FAT3: variants seen among roughly 807,000 people sequenced by gnomAD.
FAT3 encodes the protein FAT atypical cadherin 3.
Under a neutral mutation model 310.2 loss-of-function variants are expected in FAT3, and 95 were observed. That is an observed-to-expected ratio of 0.31 (90% CI 0.26 to 0.36). The LOEUF (loss-of-function observed/expected upper bound fraction) is 0.36, where lower values mean the gene tolerates loss of function less well. Ranked by LOEUF, FAT3 falls within the 10% of genes least tolerant of loss-of-function variation. The pLI, the probability that FAT3 is intolerant of heterozygous loss-of-function variation, is 1.00. For synonymous variants in FAT3, 2,314 were observed against 2,192.9 expected (o/e 1.06, Z -1.54); for missense variants, 5,408 against 5,715.6 (o/e 0.95, Z 1.74).
intron 2 of FAT3, among the ~76,000 whole-genome samples, chr11:92,442,109 A>ATTTTTTTTTTTT (rs1258493776): frequency 1.8e-4 from 9 of 50,082 alleles, no homozygotes; most frequent in African/African-American, 4.5e-4. Context: ...ATATATATAT[A>ATTTTTTTTTTTT]TATTTTTTTT....
chr11:92,381,862 T>C (rs1949501158), intron 2 of FAT3, among the ~76,000 whole-genome samples: 1 of 152,138 alleles, frequency 6.6e-6, no homozygotes, highest in Non-Finnish European at 1.5e-5. Context: ...AGACGATGAG[T>C]GTACCAGGTG....
In FAT3 at chr11:92,799,541, CA is replaced by C; in HGVS notation, c.6529del (p.Thr2177LeufsTer25). The C allele has an allele frequency of 6.2e-7, 1 of 1,613,774 alleles. No homozygotes were observed. The highest frequency in any genetic ancestry group is 8.5e-7 in the Non-Finnish European group (1 of 1,179,842). ...TGTCTACATCTGTGGAGCTTCCCATCACTATTGTCAACAAAGCAATGCCTGT... is the reference window on the plus strand; with the variant it reads ...TGTCTACATCTGTGGAGCTTCCCATCCTATTGTCAACAAAGCAATGCCTGT... ...SLSTSVELPI[T>X]IVNKAMPVFD... On this transcript the variant is annotated frameshift_variant, in exon 10 of 28. Transcript: ENST00000525166. LOFTEE classifies it high-confidence loss of function.
chr11:92,594,095 G>A (rs1939581200), intron 3 of FAT3, among the ~76,000 whole-genome samples: 1 of 152,114 alleles, frequency 6.6e-6, no homozygotes, highest in African/African-American at 2.4e-5. Flanking sequence ...AGGGGCTGCA[G>A]GTGAGAGTGC....
chr11:92,349,015 C>T (rs2134616437), intron 1 of FAT3, among the ~76,000 whole-genome samples: 1 of 152,144 alleles, frequency 6.6e-6, no homozygotes, highest in South Asian at 2.1e-4. Context: ...AGTAGAAGTT[C>T]AAAGTGTGAA....
intron 3 of FAT3, among the ~76,000 whole-genome samples, chr11:92,645,061 A>G (rs1468227681): frequency 6.6e-6 from 1 of 152,154 alleles, no homozygotes; most frequent in Non-Finnish European, 1.5e-5. Flanking sequence ...ATCTTCCTGC[A>G]TTTTATATAC....
chr11:92,763,322 A>T (rs547793577), intron 5 of FAT3, among the ~76,000 whole-genome samples: 4 of 152,280 alleles, frequency 2.6e-5, no homozygotes, highest in South Asian at 2.1e-4. Context: ...TGTGTCCAGA[A>T]CAGTGGGCAG....
chr11:92,238,550 G>C (rs1864532660), intron 1 of FAT3, among the ~76,000 whole-genome samples: 2 of 152,004 alleles, frequency 1.3e-5, no homozygotes, highest in Non-Finnish European at 2.9e-5. Flanking sequence ...AGGGTGGCCT[G>C]GGGCTGTTAC....
intron 3 of FAT3, among the ~76,000 whole-genome samples, chr11:92,665,476 A>G (rs140697424): frequency 3.1e-4 from 47 of 152,356 alleles, no homozygotes; most frequent in African/African-American, 1.1e-3. Context: ...AGGAAAGACT[A>G]GTAATAGCAA....
intron 2 of FAT3, among the ~76,000 whole-genome samples, chr11:92,390,466 G>A (rs1273268752): frequency 1.3e-5 from 2 of 152,126 alleles, no homozygotes; most frequent in Non-Finnish European, 2.9e-5. Context: ...AGTCACTGGG[G>A]TCAAGGAGCC....
chr11:92,386,533 T>C (rs936231272), intron 2 of FAT3, among the ~76,000 whole-genome samples: 1 of 152,246 alleles, frequency 6.6e-6, no homozygotes, highest in African/African-American at 2.4e-5. Context: ...CTTCACCCAG[T>C]GCGTGAGCAA....
intron 3 of FAT3, among the ~76,000 whole-genome samples, chr11:92,543,712 A>G (rs1954525065): frequency 6.6e-6 from 1 of 152,222 alleles, no homozygotes; most frequent in South Asian, 2.1e-4. Context: ...GAAGTAAGCT[A>G]AATTCAACAC....
At chr11:92,238,272 ATGTGCTTGTTT>A (rs1352277537) in intron 1 of FAT3, among the ~76,000 whole-genome samples, 1 of 152,142 alleles carries the variant, frequency 6.6e-6, no homozygotes, top group Non-Finnish European at 1.5e-5. Flanking sequence ...CTGTTCCATA[ATGTGCTTGTTT>A]AAATGTGAAA....
At chr11:92,359,403 G>A (rs1948819840) in intron 2 of FAT3, among the ~76,000 whole-genome samples, 1 of 152,112 alleles carries the variant, frequency 6.6e-6, no homozygotes, top group Admixed American at 6.6e-5. Flanking sequence ...TTCAGTAATT[G>A]TAGTGCTTAA....
At chr11:92,267,124 A>G (rs1945984238) in intron 1 of FAT3, among the ~76,000 whole-genome samples, 1 of 152,030 alleles carries the variant, frequency 6.6e-6, no homozygotes, top group African/African-American at 2.4e-5. Context: ...CAACTCGCTT[A>G]TTGAAAATGC....
chr11:92,598,606 C>A (rs1407426062), intron 3 of FAT3, among the ~76,000 whole-genome samples: 1 of 151,922 alleles, frequency 6.6e-6, no homozygotes. Context: ...ATGTGAATAC[C>A]AAGGCTCAGA....
At chr11:92,401,948 A>T (rs1446890644) in intron 2 of FAT3, among the ~76,000 whole-genome samples, 1 of 152,242 alleles carries the variant, frequency 6.6e-6, no homozygotes, top group East Asian at 1.9e-4. Context: ...AAAATTTACA[A>T]GGCATGCCAA....
intron 3 of FAT3, among the ~76,000 whole-genome samples, chr11:92,654,611 C>A (rs1942510439): frequency 1.3e-5 from 2 of 152,132 alleles, no homozygotes. Flanking sequence ...TTTTCTTACT[C>A]TTCACTTCCA....
Position 92,883,017 on chromosome 11 carries a change from C to A in FAT3, c.12561C>A (p.Asn4187Lys). The change falls in exon 24 of 28, where the codon AAC becomes AAA. Residue 4187 changes from asparagine (N) to lysine (K), a missense_variant. Physicochemically the swap from Asn to Lys is moderately conservative, Grantham distance 94. Coordinates refer to ENST00000525166, the MANE Select transcript of FAT3 (RefSeq NM_001367949.2). The surrounding 1 kb of genome is among the most constrained non-coding windows in gnomAD (Gnocchi z 4.2). ...TCTTCCGCAAGAACTACTCCCGCAACAACATCACGCTAGTGCAGGACCCGG... is the reference window on the plus strand; with the variant it reads ...TCTTCCGCAAGAACTACTCCCGCAAAAACATCACGCTAGTGCAGGACCCGG... ...KKVFRKNYSR[N>K]NITLVQDPAT... The A allele has an allele frequency of 6.2e-7, 1 of 1,613,944 alleles. No individual in the cohort carries two copies. The highest frequency in any genetic ancestry group is 1.1e-5 in the South Asian group (1 of 91,076).
rs369652899 is a variant in FAT3 at position 92,337,103 on chromosome 11, A to C, written c.-17-14993A>C. ...CTGACTCTAGAAACACAAACCTTTA[A>C]GTTAGCTTAGATAACATAGCAATGA... On this transcript the variant is annotated intron_variant, in intron 1 of 27. Coordinates refer to ENST00000525166, the MANE Select transcript of FAT3 (RefSeq NM_001367949.2). Among the ~76,000 whole-genome samples, 15 of 152,160 alleles carry C rather than the reference A, an allele frequency of 9.9e-5. 1 individual carries two copies. The East Asian group carries it at 1.2e-3, about 12-fold the overall frequency.
Sources: gnomAD v4.1 joint callset for allele counts (sites outside exome capture counted in the v4.1 genomes callset) on GRCh38, gnomAD v4.1.1 for gene constraint, Gnocchi (gnomAD v3.1) non-coding constraint, MANE v1.5 for transcripts, NCBI Gene and HGNC (gene_info 2026-07-23, HGNC 2026-07-21) for gene names.